KLHL29: variants seen among roughly 807,000 people sequenced by gnomAD.
KLHL29 encodes kelch-like protein 29.
A neutral mutation model predicts 80.4 loss-of-function variants in KLHL29; 21 were observed. The observed-to-expected ratio is 0.26, with a 90% CI of 0.19 to 0.38. The LOEUF (loss-of-function observed/expected upper bound fraction) is 0.38. Among genes scored for constraint, KLHL29 ranks in the 10% least tolerant of loss-of-function variants. KLHL29 has a pLI of 1.00. For synonymous variants in KLHL29, 511 were observed against 526.8 expected, an observed-to-expected ratio of 0.97 and a Z score of 0.41; for missense variants, 867 against 1,223.9, an observed-to-expected ratio of 0.71 and a Z score of 4.35.
At chr2:23,704,495 A>G (rs1223859958) in intron 13 of KLHL29, among the ~76,000 whole-genome samples, 1 of 152,220 alleles carries the variant, frequency 6.6e-6, no homozygotes, top group Non-Finnish European at 1.5e-5. Flanking sequence ...GGCCAGGTGC[A>G]GTGGCTCACA....
intron 1 of KLHL29, among the ~76,000 whole-genome samples, chr2:23,453,306 C>T (rs1046558058): frequency 2.6e-5 from 4 of 152,106 alleles, no homozygotes; most frequent in African/African-American, 7.2e-5. Flanking sequence ...TTCTTCTGCC[C>T]GGGAACTACC....
chr2:23,581,447 T>C (rs1310766723), intron 3 of KLHL29, among the ~76,000 whole-genome samples: 1 of 152,210 alleles, frequency 6.6e-6, no homozygotes, highest in East Asian at 1.9e-4. Flanking sequence ...TGCGATGGAG[T>C]GTGCGCTGAG....
chr2:23,539,012 TC>T, intron 2 of KLHL29, among the ~76,000 whole-genome samples: 1 of 152,340 alleles, frequency 6.6e-6, no homozygotes, highest in East Asian at 1.9e-4. Context: ...AAACTCCTGA[TC>T]TGGCAAGGAT....
At chr2:23,508,536 G>T (rs557586312) in intron 2 of KLHL29, among the ~76,000 whole-genome samples, 1 of 152,364 alleles carries the variant, frequency 6.6e-6, no homozygotes, top group African/African-American at 2.4e-5. Flanking sequence ...AGTTACAAGT[G>T]AATCACAAGT....
rs1667488357 is a variant in KLHL29, at chr2:23,562,917, A to G, written c.285+436A>G. Among the ~76,000 whole-genome samples, 1 of 152,236 alleles carries G rather than the reference A, an allele frequency of 6.6e-6. No individual in the cohort carries two copies. Among genetic ancestry groups the G allele is most frequent in the Non-Finnish European group, 1.5e-5 (1 of 68,040 alleles). On this transcript the variant is annotated intron_variant, in intron 3 of 13. Transcript: ENST00000486442. This position sits in a 1 kb window ranked among gnomAD's most constrained non-coding sequence, Gnocchi z 4.5. ...ATAAAGGGTGATAAACCCACACTTT[A>G]TTAACCACTGGGCCTCGTGTTCTCA... is the stretch of plus-strand genomic sequence containing the variant.
chr2:23,575,466 C>G (rs1250429498), intron 3 of KLHL29, among the ~76,000 whole-genome samples: 1 of 152,188 alleles, frequency 6.6e-6, no homozygotes, highest in Non-Finnish European at 1.5e-5. Context: ...CCAGCATCAT[C>G]ATTGTCATTG....
chr2:23,482,444 A>T (rs1414817353), intron 2 of KLHL29, among the ~76,000 whole-genome samples: 1 of 152,222 alleles, frequency 6.6e-6, no homozygotes, highest in Non-Finnish European at 1.5e-5. Flanking sequence ...GCTGACCCCC[A>T]GCCTGTGCTC....
At chr2:23,546,501 G>A (rs528493357) in intron 2 of KLHL29, among the ~76,000 whole-genome samples, 40 of 152,246 alleles carry the variant, frequency 2.6e-4, no homozygotes, top group African/African-American at 8.9e-4. Context: ...GGCTGTGCAT[G>A]AAAGGTATCC....
chr2:23,673,752 C>G (rs1209977694), intron 5 of KLHL29, among the ~76,000 whole-genome samples: 1 of 151,814 alleles, frequency 6.6e-6, no homozygotes, highest in Non-Finnish European at 1.5e-5. Context: ...TGCATGCACA[C>G]ACCCACACAA....
intron 1 of KLHL29, among the ~76,000 whole-genome samples, chr2:23,443,958 T>C (rs1663604188): frequency 6.6e-6 from 1 of 152,240 alleles, no homozygotes; most frequent in African/African-American, 2.4e-5. Context: ...AGCAGGGGTA[T>C]TGTAAAATGG....
intron 1 of KLHL29, among the ~76,000 whole-genome samples, chr2:23,412,127 G>A (rs373496509): frequency 4.5e-5 from 6 of 134,528 alleles, no homozygotes; most frequent in Non-Finnish European, 7.7e-5. Flanking sequence ...CGTGAAGGGG[G>A]GGGGGGGGCG....
intron 2 of KLHL29, among the ~76,000 whole-genome samples, chr2:23,525,726 G>GCCCCCCCCCC (rs746729913): frequency 8.0e-5 from 5 of 62,608 alleles, no homozygotes; most frequent in Non-Finnish European, 8.6e-5. Flanking sequence ...CCCAGCCCCT[G>GCCCCCCCCCC]CCCCCCCCCC....
chr2:23,617,770 A>G (rs1274764011), intron 3 of KLHL29: 1 of 152,152 alleles, frequency 6.6e-6, no homozygotes, highest in Non-Finnish European at 1.5e-5. Context: ...CCTGTGATGT[A>G]TTGCTTCTTC....
At chr2:23,689,599 G>A (rs946104943) in intron 6 of KLHL29, 1 of 152,448 alleles carries the variant, frequency 6.6e-6, no homozygotes, top group Non-Finnish European at 1.5e-5. Context: ...GAGGACTCCT[G>A]GGTGGACAAG....
chr2:23,480,450 G>A (rs1664769181), intron 2 of KLHL29, among the ~76,000 whole-genome samples: 2 of 151,930 alleles, frequency 1.3e-5, no homozygotes, highest in African/African-American at 4.8e-5. Flanking sequence ...TCGCACCACT[G>A]CACCACTCCA....
intron 2 of KLHL29, among the ~76,000 whole-genome samples, chr2:23,502,139 T>C (rs558339416): frequency 2.0e-5 from 3 of 152,158 alleles, no homozygotes; most frequent in East Asian, 3.9e-4. Context: ...TCTAGTCAGC[T>C]ACACAACTCT....
intron 5 of KLHL29, among the ~76,000 whole-genome samples, chr2:23,683,596 C>T (rs541521271): frequency 6.6e-6 from 1 of 152,310 alleles, no homozygotes; most frequent in African/African-American, 2.4e-5. Flanking sequence ...CTGTCTGTGC[C>T]AGCCCCAGGT....
intron 1 of KLHL29, among the ~76,000 whole-genome samples, chr2:23,447,263 C>T (rs1011086809): frequency 6.6e-6 from 1 of 152,194 alleles, no homozygotes; most frequent in Non-Finnish European, 1.5e-5. Flanking sequence ...TGTTTTTGTA[C>T]ATGACGTGTT....
chr2:23,432,190 C>T (rs1190049880), intron 1 of KLHL29, among the ~76,000 whole-genome samples: 1 of 152,128 alleles, frequency 6.6e-6, no homozygotes, highest in African/African-American at 2.4e-5. Flanking sequence ...GCTTTTTTCA[C>T]TTAGAGAATC....
Sources: gnomAD v4.1 joint callset for allele counts (sites outside exome capture counted in the v4.1 genomes callset) on GRCh38, gnomAD v4.1.1 for gene constraint, Gnocchi (gnomAD v3.1) non-coding constraint, MANE v1.5 for transcripts, NCBI Gene and HGNC (gene_info 2026-07-23, HGNC 2026-07-21) for gene names.